The following PTK2B variants were observed in gnomAD, a reference collection of about 807,000 sequenced individuals.
PTK2B encodes the protein protein-tyrosine kinase 2-beta.
Under a neutral mutation model 142.9 loss-of-function variants are expected in PTK2B, and 71 were observed. The ratio of observed to expected loss-of-function variants is 0.50; its 90% confidence interval spans 0.41 to 0.61. PTK2B has a LOEUF of 0.61. Among genes scored for constraint, PTK2B ranks in the 20% least tolerant of loss-of-function variants. The pLI is 0.00. For synonymous variants in PTK2B, 519 were observed against 503.4 expected (o/e 1.03, Z -0.42); for missense variants, 1,105 against 1,320.4 (o/e 0.84, Z 2.53).
chr8:27,351,172 C>G (rs1805071610), intron 1 of PTK2B, among the ~76,000 whole-genome samples: 1 of 148,766 alleles, frequency 6.7e-6, no homozygotes, highest in Non-Finnish European at 1.5e-5. Context: ...CCATTGCACT[C>G]CAGTCTGGGT....
At chr8:27,389,491 G>C (rs1807577372) in intron 1 of PTK2B, among the ~76,000 whole-genome samples, 1 of 152,146 alleles carries the variant, frequency 6.6e-6, no homozygotes, top group Non-Finnish European at 1.5e-5. Flanking sequence ...GGGGAGGAGA[G>C]GTTCCTTTAG....
upstream of PTK2B, among the ~76,000 whole-genome samples, chr8:27,322,045 A>ATGG (rs1803230216): frequency 6.6e-6 from 1 of 151,584 alleles, no homozygotes; most frequent in Non-Finnish European, 1.5e-5. Flanking sequence ...GCTGGAGTGC[A>ATGG]GTGGCATGAT....
At chr8:27,361,056 G>A (rs1257339987) in intron 1 of PTK2B, among the ~76,000 whole-genome samples, 1 of 152,120 alleles carries the variant, frequency 6.6e-6, no homozygotes, top group South Asian at 2.1e-4. Flanking sequence ...GGCTTGTAGT[G>A]CAACCATCAC....
intron 3 of PTK2B, among the ~76,000 whole-genome samples, chr8:27,317,915 A>C (rs1005129593): frequency 6.6e-6 from 1 of 152,234 alleles, no homozygotes; most frequent in Non-Finnish European, 1.5e-5. Context: ...CTGATTTTCC[A>C]TGTTCCTGAA....
At chr8:27,329,279 C>G (rs1803596612) in intron 1 of PTK2B, among the ~76,000 whole-genome samples, 1 of 152,158 alleles carries the variant, frequency 6.6e-6, no homozygotes, top group Admixed American at 6.5e-5. Flanking sequence ...GAGACACAAA[C>G]TCCCACCTGT....
chr8:27,416,165 A>G lies in PTK2B; in HGVS notation c.205-3730A>G, dbSNP rs545371848. Among the ~76,000 whole-genome samples the G allele has an allele frequency of 5.9e-5, 9 of 152,364 alleles. No individual in the cohort carries two copies. In the East Asian group the frequency reaches 1.7e-3, roughly 29 times the overall value. Reference sequence around the variant, plus strand: ...CACTCATAATGCAGCAGACTTTTTAAAAAGAAAGTGGCCAGCTGATTCTAA... The same window carrying G: ...CACTCATAATGCAGCAGACTTTTTAGAAAGAAAGTGGCCAGCTGATTCTAA... On this transcript the variant is annotated intron_variant, in intron 2 of 30. Coordinates refer to ENST00000346049, the MANE Select transcript of PTK2B (RefSeq NM_173176.3).
chr8:27,390,913 T>C (rs1037916799), intron 1 of PTK2B, among the ~76,000 whole-genome samples: 3 of 152,152 alleles, frequency 2.0e-5, no homozygotes, highest in African/African-American at 2.4e-5. Flanking sequence ...AAGGCTGCCA[T>C]GTTGTCACAC....
At chr8:27,444,068 G>C (rs1454911852) in intron 22 of PTK2B, 138 bp from the exon 23 acceptor site, 1 of 878,056 alleles carries the variant, frequency 1.1e-6, no homozygotes, top group Non-Finnish European at 1.8e-6. Context: ...TGCAAAATGA[G>C]TTTCATGACA....
At chr8:27,327,786 C>G (rs2130778063) in intron 1 of PTK2B, among the ~76,000 whole-genome samples, 1 of 152,230 alleles carries the variant, frequency 6.6e-6, no homozygotes, top group East Asian at 1.9e-4. Flanking sequence ...CGGTGAGCTT[C>G]TCTGACCCTC....
At chr8:27,343,301 C>G (rs911232422) in intron 1 of PTK2B, among the ~76,000 whole-genome samples, 1 of 152,152 alleles carries the variant, frequency 6.6e-6, no homozygotes, top group Non-Finnish European at 1.5e-5. Flanking sequence ...ACAGCCAAGC[C>G]CTCCCACTGC....
rs1276348708 is a variant in PTK2B, at chr8:27,363,358, T to C, written c.-37-34190T>C. On this transcript the variant is annotated intron_variant, in intron 1 of 30. Transcript: ENST00000346049. This position sits in a 1 kb window ranked among gnomAD's most constrained non-coding sequence, Gnocchi z 4.3. ...GGTCAGGAGGTGGAAGTGAGATGGG[T>C]TTTGTTCTGTGCATCTCCATGAGCA... Among the ~76,000 whole-genome samples the C allele has an allele frequency of 1.3e-5, 2 of 152,136 alleles. No homozygotes were observed. The highest frequency in any genetic ancestry group is 4.8e-5 in the African/African-American group (2 of 41,430).
intron 1 of PTK2B, among the ~76,000 whole-genome samples, chr8:27,340,105 A>C (rs932019888): frequency 6.6e-6 from 1 of 152,234 alleles, no homozygotes; most frequent in Admixed American, 6.5e-5. Context: ...CCAGCTCCAC[A>C]TCACTTAGCA....
intron 26 of PTK2B, 87 bp from the exon 27 acceptor site, chr8:27,451,398 G>C (rs1351902495): frequency 7.6e-6 from 12 of 1,586,492 alleles, no homozygotes; most frequent in Non-Finnish European, 1.0e-5. Flanking sequence ...ACACACAGTG[G>C]AGGGACTGGG....
chr8:27,434,195 A>G, intron 12 of PTK2B, 63 bp downstream of exon 12: 1 of 1,571,412 alleles, frequency 6.4e-7, no homozygotes, highest in Non-Finnish European at 8.7e-7. Flanking sequence ...GAGAGGAATA[A>G]GAATAAACTG....
chr8:27,399,029 G>A (rs142429072), intron 2 of PTK2B, among the ~76,000 whole-genome samples: 2 of 152,356 alleles, frequency 1.3e-5, no homozygotes, highest in East Asian at 3.9e-4. Context: ...CTGAGAGTAA[G>A]CCCTGGTCAT....
intron 2 of PTK2B, among the ~76,000 whole-genome samples, chr8:27,410,981 G>A (rs1197906763): frequency 6.6e-6 from 1 of 152,224 alleles, no homozygotes; most frequent in South Asian, 2.1e-4. Context: ...ATGGGCAGTC[G>A]GAGAGCCTGG....
intron 24 of PTK2B, 84 bp from the exon 25 acceptor site, chr8:27,450,665 T>G: frequency 4.3e-5 from 66 of 1,536,264 alleles, no homozygotes; most frequent in Non-Finnish European, 5.6e-5. Flanking sequence ...GCAGCTGCCA[T>G]GAGGTTCTTC....
chr8:27,368,134 T>C (rs1806128119), intron 1 of PTK2B, among the ~76,000 whole-genome samples: 1 of 152,232 alleles, frequency 6.6e-6, no homozygotes, highest in African/African-American at 2.4e-5. Context: ...CCGTCCTTTC[T>C]CTCTGCCATG....
At chr8:27,421,587 A>G (rs113981429) in intron 4 of PTK2B, among the ~76,000 whole-genome samples, 3,809 of 152,338 alleles carry the variant, frequency 0.025, 167 homozygotes, top group African/African-American at 0.087. Context: ...TTCACTTAGA[A>G]TAATGGTCTC....
Sources: gnomAD v4.1 joint callset for allele counts (sites outside exome capture counted in the v4.1 genomes callset) on GRCh38, gnomAD v4.1.1 for gene constraint, Gnocchi (gnomAD v3.1) non-coding constraint, MANE v1.5 for transcripts, NCBI Gene and HGNC (gene_info 2026-07-23, HGNC 2026-07-21) for gene names.